The following LYPLAL1 variants were observed in gnomAD, a reference collection of about 807,000 sequenced individuals.
LYPLAL1 encodes the protein lysophospholipase like 1.
A neutral mutation model predicts 19.7 loss-of-function variants in LYPLAL1; 23 were observed. The ratio of observed to expected loss-of-function variants is 1.17; its 90% CI spans 0.84 to 1.65. The LOEUF is 1.65. LYPLAL1 is among the 40% of genes most tolerant of loss of function. LYPLAL1 has a pLI of 0.00. For synonymous variants in LYPLAL1, 119 were observed against 96.3 expected (o/e 1.24, Z -1.38); for missense variants, 355 against 279.4 (o/e 1.27, Z -1.93).
chr1:219,223,183 C>G, the LYPLAL1 span: 3 of 151,730 alleles, frequency 2.0e-5, no homozygotes, highest in Non-Finnish European at 2.9e-5. Context: ...CCAAGCTTTT[C>G]CCACCTGAAA....
the LYPLAL1 span, among the ~76,000 whole-genome samples, chr1:219,347,616 C>T: frequency 6.6e-6 from 1 of 152,128 alleles, no homozygotes; most frequent in African/African-American, 2.4e-5. Context: ...ATGTAGCTGC[C>T]AATAGATGCT....
chr1:219,442,515 G>A, the LYPLAL1 span: 7 of 152,130 alleles, frequency 4.6e-5, no homozygotes, highest in African/African-American at 1.7e-4. Context: ...GTCCAATAAA[G>A]CAAGGGACGG....
the LYPLAL1 span, among the ~76,000 whole-genome samples, chr1:219,423,841 G>A: frequency 9.9e-5 from 15 of 152,018 alleles, no homozygotes; most frequent in African/African-American, 2.7e-4. Context: ...AATATTTTCC[G>A]TCTTTTTCTC....
the LYPLAL1 span, among the ~76,000 whole-genome samples, chr1:219,281,272 C>G: frequency 1.3e-5 from 2 of 151,560 alleles, no homozygotes; most frequent in Non-Finnish European, 2.9e-5. Context: ...TCCCTGTCTA[C>G]CCTGTGCCAG....
the LYPLAL1 span, among the ~76,000 whole-genome samples, chr1:219,364,573 TA>T: frequency 6.6e-6 from 1 of 152,206 alleles, no homozygotes; most frequent in Non-Finnish European, 1.5e-5. Context: ...ACTTTGTGAT[TA>T]CTTTTTAGTT....
chr1:219,333,548 C>T, the LYPLAL1 span, among the ~76,000 whole-genome samples: 1 of 152,090 alleles, frequency 6.6e-6, no homozygotes, highest in Middle Eastern at 3.4e-3. Flanking sequence ...CTGGAGTAGG[C>T]CTTCTTTTTC....
At chr1:219,327,086 GAC>G in the LYPLAL1 span, among the ~76,000 whole-genome samples, 1 of 152,142 alleles carries the variant, frequency 6.6e-6, no homozygotes, top group Non-Finnish European at 1.5e-5. Flanking sequence ...GACAGAGCTA[GAC>G]CCCGTCTCAA....
At chr1:219,275,760 G>A in the LYPLAL1 span, among the ~76,000 whole-genome samples, 10 of 151,882 alleles carry the variant, frequency 6.6e-5, no homozygotes, top group East Asian at 3.9e-4. Flanking sequence ...TAAATATATT[G>A]TAAAATTTAA....
At chr1:219,256,504 T>C in the LYPLAL1 span, among the ~76,000 whole-genome samples, 1 of 151,784 alleles carries the variant, frequency 6.6e-6, no homozygotes, top group Non-Finnish European at 1.5e-5. Flanking sequence ...CTTTCATTAG[T>C]CTTACTAGTG....
chr1:219,388,694 C>CATAA, the LYPLAL1 span, among the ~76,000 whole-genome samples: 2 of 152,008 alleles, frequency 1.3e-5, no homozygotes, highest in Non-Finnish European at 1.5e-5. Context: ...AACATAAGAT[C>CATAA]ATAAATAAAT....
downstream of LYPLAL1, among the ~76,000 whole-genome samples, chr1:219,217,533 T>C (rs1429036204): frequency 1.3e-5 from 2 of 152,116 alleles, no homozygotes; most frequent in East Asian, 1.9e-4. Flanking sequence ...GTCTTAGTTA[T>C]GAACTCTTCA....
chr1:219,201,357 G>C (rs1658084225), intron 3 of LYPLAL1, among the ~76,000 whole-genome samples: 1 of 151,252 alleles, frequency 6.6e-6, no homozygotes. Context: ...GACTCATCTG[G>C]AGTTTATTTT....
chr1:219,327,451 A>T, the LYPLAL1 span, among the ~76,000 whole-genome samples: 1 of 152,168 alleles, frequency 6.6e-6, no homozygotes, highest in African/African-American at 2.4e-5. Context: ...GCACATGAAG[A>T]TGGGGGAGCA....
chr1:219,444,381 T>G, the LYPLAL1 span, among the ~76,000 whole-genome samples: 4 of 152,244 alleles, frequency 2.6e-5, no homozygotes, highest in African/African-American at 4.8e-5. Context: ...CATGTTTGGT[T>G]TGAAGTTTGA....
chr1:219,342,257 A>G, the LYPLAL1 span, among the ~76,000 whole-genome samples: 17 of 152,126 alleles, frequency 1.1e-4, no homozygotes, highest in Admixed American at 1.1e-3. Flanking sequence ...GTTCTGGGTT[A>G]TCTTTTTAAG....
the LYPLAL1 span, among the ~76,000 whole-genome samples, chr1:219,360,667 G>C: frequency 6.6e-6 from 1 of 152,140 alleles, no homozygotes; most frequent in Non-Finnish European, 1.5e-5. Flanking sequence ...TCACGGGTAT[G>C]TTTGTCAGGG....
chr1:219,384,672 A>G, the LYPLAL1 span, among the ~76,000 whole-genome samples: 1 of 152,240 alleles, frequency 6.6e-6, no homozygotes, highest in Non-Finnish European at 1.5e-5. Flanking sequence ...ATAGTATAAT[A>G]CCACATGTTG....
chr1:219,303,217 C>T, the LYPLAL1 span, among the ~76,000 whole-genome samples: 3 of 152,138 alleles, frequency 2.0e-5, no homozygotes, highest in South Asian at 6.2e-4. Flanking sequence ...TTTTCAACAA[C>T]AATGTATTGG....
the LYPLAL1 span, among the ~76,000 whole-genome samples, chr1:219,351,983 G>A: frequency 6.6e-6 from 1 of 152,150 alleles, no homozygotes; most frequent in Non-Finnish European, 1.5e-5. Context: ...TCTAATTCTA[G>A]GCACAGCATG....
Sources: allele counts gnomAD v4.1 joint callset (sites outside exome capture counted in the v4.1 genomes callset), GRCh38; gene constraint gnomAD v4.1.1; transcripts MANE v1.5; gene names NCBI Gene and HGNC (gene_info 2026-07-23, HGNC 2026-07-21).